ASIC2: variants seen among roughly 807,000 people sequenced by gnomAD.
ASIC2 encodes acid sensing ion channel subunit 2, also known as acid-sensing ion channel 2.
ASIC2 carries 25 observed loss-of-function variants against 57.3 expected under a neutral mutation model. The ratio of observed to expected loss-of-function variants is 0.44; its 90% CI spans 0.32 to 0.61. The LOEUF is 0.61. Ranked by LOEUF, ASIC2 falls within the 20% of genes least tolerant of loss-of-function variation. The pLI, the probability that ASIC2 is intolerant of heterozygous loss-of-function variation, is 0.06. For missense variants in ASIC2, 641 were observed against 738.1 expected (o/e 0.87, Z 1.52); for synonymous variants, 319 against 307.5 (o/e 1.04, Z -0.39).
chr17:33,416,211 A>G (rs1052813876), intron 1 of ASIC2, among the ~76,000 whole-genome samples: 1 of 152,228 alleles, frequency 6.6e-6, no homozygotes, highest in African/African-American at 2.4e-5. Context: ...CCATTTTATG[A>G]GGCCAGAATC....
chr17:34,143,748 C>T (rs1392217365), intron 1 of ASIC2, among the ~76,000 whole-genome samples: 2 of 152,128 alleles, frequency 1.3e-5, no homozygotes, highest in East Asian at 3.8e-4. Flanking sequence ...GGCTTAGGAT[C>T]TTATAGTCAT....
At chr17:33,793,965 C>T (rs538635971) in intron 1 of ASIC2, 1 of 152,236 alleles carries the variant, frequency 6.6e-6, no homozygotes, top group African/African-American at 2.4e-5. Flanking sequence ...TTTTTGAAAA[C>T]AGAGACAGTA....
chr17:33,102,138 G>A (rs1055761216), intron 2 of ASIC2, among the ~76,000 whole-genome samples: 6 of 152,132 alleles, frequency 3.9e-5, no homozygotes, highest in East Asian at 1.9e-4. Context: ...GGAATCTTAT[G>A]CAATCCTTGA....
intron 1 of ASIC2, among the ~76,000 whole-genome samples, chr17:33,158,841 G>A (rs1240317080): frequency 6.6e-6 from 1 of 152,180 alleles, no homozygotes; most frequent in Non-Finnish European, 1.5e-5. Context: ...ATTCAATAAA[G>A]GTCAACTCTT....
Position 33,991,192 on chromosome 17 carries a change from T to A in ASIC2, c.555+164786A>T, listed in dbSNP as rs537774990. Among the ~76,000 whole-genome samples the A allele has an allele frequency of 1.2e-4, 18 of 152,238 alleles. 1 individual carries two copies. In the East Asian group the frequency reaches 2.9e-3, roughly 24 times the overall value. On this transcript the variant is annotated intron_variant, in intron 1 of 9. Transcript: ENST00000359872. ...AAATATCTTTTCCTTATTAACTGAG[T>A]CTTGAGTAGCCACTGAAAAGATGAG...
At chr17:33,924,948 C>G (rs731127) in intron 1 of ASIC2, among the ~76,000 whole-genome samples, 46,595 of 152,158 alleles carry the variant, frequency 0.31, 7,810 homozygotes, top group Admixed American at 0.39. Context: ...CTGACCCCTA[C>G]ACTTCAGGCA....
chr17:33,131,004 T>C (rs1027638852), intron 1 of ASIC2, among the ~76,000 whole-genome samples: 1 of 152,204 alleles, frequency 6.6e-6, no homozygotes, highest in African/African-American at 2.4e-5. Flanking sequence ...CTCAGTGTTT[T>C]CATCTGTAAA....
At chr17:33,798,052 G>C (rs1171644822) in intron 1 of ASIC2, among the ~76,000 whole-genome samples, 2 of 152,200 alleles carry the variant, frequency 1.3e-5, no homozygotes, top group Non-Finnish European at 2.9e-5. Flanking sequence ...GAGCAGATGG[G>C]AAACAGGATG....
chr17:33,703,325 T>TTC (rs1342547589), intron 1 of ASIC2, among the ~76,000 whole-genome samples: 5 of 151,582 alleles, frequency 3.3e-5, no homozygotes, highest in South Asian at 2.1e-4. Context: ...CTTTTTCTTT[T>TTC]TTTTTTTGTT....
intron 1 of ASIC2, among the ~76,000 whole-genome samples, chr17:33,826,901 T>C (rs8071268): frequency 0.81 from 123,551 of 152,128 alleles, 50,533 homozygotes; most frequent in African/African-American, 0.86. Context: ...CATTATAAGA[T>C]AATATATAAT....
At chr17:33,616,456 T>C (rs962529412) in intron 1 of ASIC2, among the ~76,000 whole-genome samples, 2 of 152,218 alleles carry the variant, frequency 1.3e-5, no homozygotes, top group Non-Finnish European at 2.9e-5. Context: ...CCAAACCTCT[T>C]TAATGTGAAT....
At chr17:33,366,511 C>T (rs1908815426) in intron 1 of ASIC2, among the ~76,000 whole-genome samples, 1 of 152,234 alleles carries the variant, frequency 6.6e-6, no homozygotes, top group African/African-American at 2.4e-5. Context: ...AAACTCAGCT[C>T]AGCTGTCACC....
At chr17:34,011,706 G>A (rs1906769245) in intron 1 of ASIC2, among the ~76,000 whole-genome samples, 1 of 152,136 alleles carries the variant, frequency 6.6e-6, no homozygotes, top group Admixed American at 6.5e-5. Context: ...TCACAAAGGG[G>A]CTAATTGCCA....
chr17:33,391,564 A>G (rs1353238287), intron 1 of ASIC2, among the ~76,000 whole-genome samples: 3 of 152,126 alleles, frequency 2.0e-5, no homozygotes, highest in Non-Finnish European at 4.4e-5. Context: ...TAAGTCCTTG[A>G]TGGACTTATG....
intron 1 of ASIC2, among the ~76,000 whole-genome samples, chr17:33,419,043 T>C (rs1375472341): frequency 6.6e-6 from 1 of 152,144 alleles, no homozygotes; most frequent in East Asian, 1.9e-4. Context: ...ATGGCACGTA[T>C]ATACCTATGT....
At chr17:33,990,352 G>A (rs758277474) in intron 1 of ASIC2, among the ~76,000 whole-genome samples, 17 of 152,254 alleles carry the variant, frequency 1.1e-4, no homozygotes, top group Non-Finnish European at 2.2e-4. Flanking sequence ...CTCAACAAAT[G>A]CTAACTTTAA....
At chr17:33,584,566 G>A (rs1771659960) in intron 1 of ASIC2, among the ~76,000 whole-genome samples, 1 of 152,180 alleles carries the variant, frequency 6.6e-6, no homozygotes, top group African/African-American at 2.4e-5. Context: ...GAGGTGGCAT[G>A]TGACTTGGCA....
rs73276700 is a variant in ASIC2 at position 33,990,037 on chromosome 17, G to A, written c.555+165941C>T. On this transcript the variant is annotated intron_variant, in intron 1 of 9. Transcript: ENST00000359872. ...AGGCAGAAGCCCAAGCTGTCTTTGA[G>A]GTTTTGACCTAGTGCCTGAATGCAA... 3.7e-3 allele frequency among the ~76,000 whole-genome samples: 561 copies of A among 152,324 alleles called. 3 individuals are homozygous for A. Among genetic ancestry groups the A allele is most frequent in the African/African-American group, 0.013 (533 of 41,578 alleles).
intron 1 of ASIC2, chr17:33,976,493 T>C (rs143715974): frequency 1.3e-5 from 2 of 152,164 alleles, no homozygotes; most frequent in African/African-American, 4.8e-5. Context: ...CCCTCCCAAT[T>C]GCTCTCTTCC....
Sources: gnomAD v4.1 joint callset for allele counts (sites outside exome capture counted in the v4.1 genomes callset) on GRCh38, gnomAD v4.1.1 for gene constraint, MANE v1.5 for transcripts, NCBI Gene and HGNC (gene_info 2026-07-23, HGNC 2026-07-21) for gene names.